CEP41: variants seen among roughly 807,000 people sequenced by gnomAD.
CEP41 encodes centrosomal protein of 41 kDa.
In CEP41, 32 loss-of-function variants were observed where a neutral mutation model predicts 44.3. That is an observed-to-expected ratio of 0.72 (90% CI 0.54 to 0.97). CEP41 has a LOEUF of 0.97. Among genes scored for constraint, CEP41 ranks in the 50% least tolerant of loss-of-function variants. The pLI is 0.00. For missense variants in CEP41, 432 were observed against 455.2 expected (o/e 0.95, Z 0.46); for synonymous variants, 151 against 168.5 (o/e 0.90, Z 0.80).
Position 130,431,808 on chromosome 7 carries a change from G to A in CEP41, c.34-3790C>T, listed in dbSNP as rs890693549. Among the ~76,000 whole-genome samples, 3 of 152,310 alleles carry A rather than the reference G, an allele frequency of 2.0e-5. No individual in the cohort carries two copies. In the East Asian group the frequency reaches 5.8e-4, roughly 29 times the overall value. On this transcript the variant is annotated intron_variant, in intron 1 of 10. Transcript: ENST00000223208. Reference sequence around the variant, plus strand: ...GACAAACGATGCTGGAGAGGCAGCAGGGGCAGATCACAAAAAGCCTTGCAT... The same window carrying A: ...GACAAACGATGCTGGAGAGGCAGCAAGGGCAGATCACAAAAAGCCTTGCAT...
Position 130,398,820 on chromosome 7 carries a change from C to G in CEP41, c.*71G>C, listed in dbSNP as rs533789836. ...CCTCTGCAGAAGTTTCTGGAAATGA[C>G]CCAACTTGGGAAATGCTCAGGGGTT... On this transcript the variant is annotated 3_prime_UTR_variant, in exon 11 of 11. Coordinates refer to ENST00000223208, the MANE Select transcript of CEP41 (RefSeq NM_018718.3). 6.3e-7 allele frequency: 1 copy of G among 1,575,370 alleles called. No individual in the cohort carries two copies. The highest frequency in any genetic ancestry group is 1.1e-5 in the South Asian group (1 of 90,136).
chr7:130,424,772 T>C (rs1797613138), intron 2 of CEP41, among the ~76,000 whole-genome samples: 1 of 151,540 alleles, frequency 6.6e-6, no homozygotes, highest in African/African-American at 2.4e-5. Context: ...GAAAAAAAAA[T>C]CATTGGGATC....
At chr7:130,427,741 T>C (rs1014825600) in intron 2 of CEP41, among the ~76,000 whole-genome samples, 1 of 152,330 alleles carries the variant, frequency 6.6e-6, no homozygotes, top group East Asian at 1.9e-4. Flanking sequence ...TTATTTCTTA[T>C]GTGGTAAGGA....
At position 130,396,729 on chromosome 7, in the gene CEP41, A is replaced by ATGG. The variant is rs1562973150; in HGVS notation, c.*2159_*2161dup. On this transcript the variant is annotated 3_prime_UTR_variant, in exon 11 of 11. Transcript: ENST00000223208. ...GCAGATTAGAACAGCTCTTTTGAGCATGGTTATTTAAAATCCTTACCAACA... is the reference window on the plus strand; with the variant it reads ...GCAGATTAGAACAGCTCTTTTGAGCATGGTGGTTATTTAAAATCCTTACCAACA... 2.2e-6 allele frequency: 1 copy of ATGG among 454,492 alleles called. No homozygotes were observed. Among genetic ancestry groups the ATGG allele is most frequent in the Non-Finnish European group, 4.4e-6 (1 of 226,796 alleles). The allele number at this position is 454,492 out of a possible 1,614,324, so 28.2% of individuals were successfully genotyped here.
chr7:130,431,345 A>G (rs1197729505), intron 1 of CEP41, among the ~76,000 whole-genome samples: 1 of 152,206 alleles, frequency 6.6e-6, no homozygotes, highest in Non-Finnish European at 1.5e-5. Flanking sequence ...ACAAAGACTT[A>G]TTGAGCACCA....
intron 2 of CEP41, among the ~76,000 whole-genome samples, chr7:130,422,969 C>T (rs941133415): frequency 1.4e-4 from 22 of 152,130 alleles, no homozygotes; most frequent in African/African-American, 4.1e-4. Flanking sequence ...TTTTTGGAGA[C>T]GGAGTCTCGC....
chr7:130,421,918 C>T (rs1400946969), intron 2 of CEP41: 1 of 1,534,272 alleles, frequency 6.5e-7, no homozygotes, highest in Non-Finnish European at 8.7e-7. Context: ...GGTGACTGAA[C>T]AAAACGCAGC....
At position 130,394,655 on chromosome 7, in the gene CEP41, G is replaced by A. The variant is rs1554413814; in HGVS notation, c.*4236C>T. 4 of 454,098 alleles carry A rather than the reference G, an allele frequency of 8.8e-6. No homozygotes were observed. In the East Asian group the frequency reaches 2.8e-4, roughly 32 times the overall value. 28.1% of individuals were successfully genotyped at this position (454,098 alleles called of 1,614,324 possible). A position where few individuals can be genotyped will look rare whatever the true frequency, so the allele number is the denominator to read the frequency against. On this transcript the variant is annotated 3_prime_UTR_variant, in exon 11 of 11. Coordinates refer to ENST00000223208, the MANE Select transcript of CEP41 (RefSeq NM_018718.3). ...AAAGGCAGGATACACAAGGGGGACA[G>A]AAGATAACGAGCTTTCTGGGTCTCC...
chr7:130,398,572 A>AAAAAAAACAAAAC lies in CEP41; in HGVS notation c.*306_*318dup. 2 of 499,308 alleles carry AAAAAAAACAAAAC rather than the reference A, an allele frequency of 4.0e-6. No homozygotes were observed. The highest frequency in any genetic ancestry group is 7.8e-6 in the Non-Finnish European group (2 of 257,022). 30.9% of individuals were successfully genotyped at this position (499,308 alleles called of 1,614,324 possible). On this transcript the variant is annotated 3_prime_UTR_variant, in exon 11 of 11. Coordinates refer to ENST00000223208, the MANE Select transcript of CEP41 (RefSeq NM_018718.3). ...AGACCCAACAAGCTGGACCTTATTAAAAAAAAACAAAACAAAAAAACTAAA... is the reference window on the plus strand; with the variant it reads ...AGACCCAACAAGCTGGACCTTATTAAAAAAAAACAAAACAAAAAAACAAAACAAAAAAACTAAA...
chr7:130,419,234 C>A (rs191473799), intron 2 of CEP41: 1 of 985,292 alleles, frequency 1.0e-6, no homozygotes, highest in Non-Finnish European at 1.2e-6. Context: ...CTGATGAGTT[C>A]TTTTCACTAT....
chr7:130,438,709 A>G (rs1331897695), intron 1 of CEP41, among the ~76,000 whole-genome samples: 1 of 152,286 alleles, frequency 6.6e-6, no homozygotes, highest in East Asian at 1.9e-4. Context: ...AACTCAAAAA[A>G]TTTCTCAAAT....
chr7:130,394,598 A>G lies in CEP41; in HGVS notation c.*4293T>C, dbSNP rs1554413790. 1 of 453,694 alleles carries G rather than the reference A, an allele frequency of 2.2e-6. No homozygotes were observed. The highest frequency in any genetic ancestry group is 2.4e-5 in the Admixed American group (1 of 42,534). 28.1% of individuals were successfully genotyped at this position (453,694 alleles called of 1,614,324 possible). A position where few individuals can be genotyped will look rare whatever the true frequency, so the allele number is the denominator to read the frequency against. ...GGGTACTTCCTGTAGAGGGAGATCT[A>G]AAAACCTCAGGGTTTTGAATGCCTC... On this transcript the variant is annotated 3_prime_UTR_variant, in exon 11 of 11. Transcript: ENST00000223208.
intron 5 of CEP41, among the ~76,000 whole-genome samples, chr7:130,405,365 T>C (rs1455331785): frequency 2.6e-5 from 4 of 152,236 alleles, no homozygotes; most frequent in Admixed American, 2.0e-4. Flanking sequence ...GTTAGACTTG[T>C]ATATTTGGCA....
intron 2 of CEP41, chr7:130,419,064 C>T (rs1797421255): frequency 1.0e-6 from 1 of 985,332 alleles, no homozygotes; most frequent in Non-Finnish European, 1.2e-6. Context: ...GGTAATTACA[C>T]TTAACACTTT....
At chr7:130,402,618 T>C (rs1257931540) in intron 7 of CEP41, 30 bp downstream of exon 7, 3 of 1,612,834 alleles carry the variant, frequency 1.9e-6, no homozygotes, top group Admixed American at 1.7e-5. Context: ...TTCTTGAGAG[T>C]GAGGCACTTT....
At chr7:130,419,958 C>T (rs566194459) in intron 2 of CEP41, 3 of 973,566 alleles carry the variant, frequency 3.1e-6, no homozygotes, top group Middle Eastern at 5.3e-4. Flanking sequence ...CGTACACACA[C>T]ACACACACAC....
intron 2 of CEP41, chr7:130,419,942 T>C (rs1797451600): frequency 4.1e-6 from 4 of 984,448 alleles, no homozygotes; most frequent in African/African-American, 1.8e-5. Flanking sequence ...GGACTATTTA[T>C]GGGCACGTAC....
rs1554415755 is a variant in CEP41, at chr7:130,398,348, G to A, written c.*543C>T. 2.2e-6 allele frequency: 1 copy of A among 454,118 alleles called. No individual in the cohort carries two copies. The highest frequency in any genetic ancestry group is 4.4e-6 in the Non-Finnish European group (1 of 226,790). The allele number at this position is 454,118 out of a possible 1,614,324, so 28.1% of individuals were successfully genotyped here. A position where few individuals can be genotyped will look rare whatever the true frequency, so the allele number is the denominator to read the frequency against. ...CAGGGCCTGCAATATGCTGGGCAGA[G>A]AGCTCCTTGCTGAGTGAGCCTGCTG... On this transcript the variant is annotated 3_prime_UTR_variant, in exon 11 of 11. Transcript: ENST00000223208.
chr7:130,421,598 A>G (rs1218023718), intron 2 of CEP41: 1 of 993,266 alleles, frequency 1.0e-6, no homozygotes, highest in Non-Finnish European at 1.2e-6. Flanking sequence ...AGGAAAAGTA[A>G]AGCCTAAAGA....
Sources: allele counts gnomAD v4.1 joint callset (sites outside exome capture counted in the v4.1 genomes callset), GRCh38; gene constraint gnomAD v4.1.1; transcripts MANE v1.5; gene names NCBI Gene and HGNC (gene_info 2026-07-23, HGNC 2026-07-21).